The following ADAMTS17 variants were observed in gnomAD, a reference collection of about 807,000 sequenced individuals.
The protein encoded by ADAMTS17 is ADAM metallopeptidase with thrombospondin type 1 motif 17, also known as A disintegrin and metalloproteinase with thrombospondin motifs 17.
Under a neutral mutation model 141.5 loss-of-function variants are expected in ADAMTS17, and 113 were observed. The ratio of observed to expected loss-of-function variants is 0.80; its 90% CI spans 0.69 to 0.93. The LOEUF is 0.93. ADAMTS17 is among the 40% of genes least tolerant of loss of function. The pLI is 0.00. For missense variants in ADAMTS17, 1,659 were observed against 1,517.9 expected (o/e 1.09, Z -1.54); for synonymous variants, 768 against 630.6 (o/e 1.22, Z -3.27).
intron 14 of ADAMTS17, among the ~76,000 whole-genome samples, chr15:100,101,449 AC>A (rs1323065668): frequency 6.6e-6 from 1 of 152,208 alleles, no homozygotes; most frequent in East Asian, 1.9e-4. Context: ...GCAGGAATAA[AC>A]GAAATTCCAC....
chr15:100,246,043 C>T (rs4450381), intron 7 of ADAMTS17, among the ~76,000 whole-genome samples: 91,811 of 151,978 alleles, frequency 0.6, 28,462 homozygotes, highest in East Asian at 0.78. Flanking sequence ...CGCCAGTCCT[C>T]GTCCTCTTCT....
At chr15:100,322,285 A>C (rs996565022) in intron 3 of ADAMTS17, among the ~76,000 whole-genome samples, 1 of 152,164 alleles carries the variant, frequency 6.6e-6, no homozygotes, top group Non-Finnish European at 1.5e-5. Flanking sequence ...TGGGGGAGGC[A>C]TGCTGGAAAG....
chr15:100,049,881 A>C (rs1402994679), intron 17 of ADAMTS17, among the ~76,000 whole-genome samples: 2 of 152,216 alleles, frequency 1.3e-5, no homozygotes, highest in African/African-American at 4.8e-5. Context: ...TGATGATTAA[A>C]ATAAACAAAT....
intron 13 of ADAMTS17, among the ~76,000 whole-genome samples, chr15:100,112,586 G>A (rs947359503): frequency 1.8e-4 from 27 of 152,094 alleles, no homozygotes; most frequent in African/African-American, 6.3e-4. Context: ...ATGAGGTGGT[G>A]GGATTCAGCT....
At chr15:100,000,745 T>C (rs1371385853) in intron 18 of ADAMTS17, among the ~76,000 whole-genome samples, 6 of 152,142 alleles carry the variant, frequency 3.9e-5, no homozygotes, top group African/African-American at 1.4e-4. Flanking sequence ...ACTCCTGACC[T>C]TAAGTGATCC....
intron 7 of ADAMTS17, among the ~76,000 whole-genome samples, chr15:100,209,218 G>A (rs941296310): frequency 9.9e-5 from 15 of 152,054 alleles, no homozygotes; most frequent in Admixed American, 6.5e-4. Flanking sequence ...TTCTTTGGGG[G>A]ATGAAATGTG....
intron 15 of ADAMTS17, among the ~76,000 whole-genome samples, chr15:100,084,539 G>C (rs1380351234): frequency 6.6e-6 from 1 of 152,228 alleles, no homozygotes; most frequent in South Asian, 2.1e-4. Flanking sequence ...CAGGCAGACT[G>C]CCTCCTCAAG....
rs531468499 is a variant in ADAMTS17, at chr15:100,306,719, A to G, written c.616+24170T>C. On this transcript the variant is annotated intron_variant, in intron 3 of 21. Coordinates refer to ENST00000268070, the MANE Select transcript of ADAMTS17 (RefSeq NM_139057.4). The stretch of plus-strand genomic sequence containing the variant: ...AGGGACTGAGACAGCAGTCAGCGCC[A>G]TAACTTGTTCGTTTCTCCCATGCTC... The G allele has an allele frequency of 3.6e-3, 1,351 of 378,192 alleles. 13 individuals are homozygous for G. The highest frequency in any genetic ancestry group is 0.014 in the South Asian group (704 of 50,324). The allele number at this position is 378,192 out of a possible 1,614,324, so 23.4% of individuals were successfully genotyped here.
At chr15:100,320,978 C>G (rs545489835) in intron 3 of ADAMTS17, among the ~76,000 whole-genome samples, 49 of 152,280 alleles carry the variant, frequency 3.2e-4, no homozygotes, top group African/African-American at 1.2e-3. Context: ...CAATACTGAG[C>G]AAGCTGACAA....
chr15:100,248,796 G>A (rs914548390), intron 7 of ADAMTS17, among the ~76,000 whole-genome samples: 1 of 148,434 alleles, frequency 6.7e-6, no homozygotes, highest in African/African-American at 2.6e-5. Context: ...GGTCCTTCTG[G>A]TGTTAATTTT....
At chr15:100,030,538 G>A (rs1369644031) in intron 18 of ADAMTS17, among the ~76,000 whole-genome samples, 1 of 152,138 alleles carries the variant, frequency 6.6e-6, no homozygotes, top group Non-Finnish European at 1.5e-5. Context: ...CACGCGCTGA[G>A]CCTGAAATCC....
intron 15 of ADAMTS17, among the ~76,000 whole-genome samples, chr15:100,081,740 C>A (rs1268267105): frequency 6.6e-6 from 1 of 152,186 alleles, no homozygotes; most frequent in Non-Finnish European, 1.5e-5. Flanking sequence ...TTGACAAAAT[C>A]AATCTTCTTA....
At chr15:100,069,284 G>T (rs1157754283) in intron 15 of ADAMTS17, among the ~76,000 whole-genome samples, 1 of 152,240 alleles carries the variant, frequency 6.6e-6, no homozygotes, top group Non-Finnish European at 1.5e-5. Flanking sequence ...ACCTGAAAGT[G>T]ACGGGGAGAA....
chr15:99,984,722 C>A (rs996880363), intron 20 of ADAMTS17, among the ~76,000 whole-genome samples: 2 of 152,216 alleles, frequency 1.3e-5, no homozygotes, highest in African/African-American at 4.8e-5. Flanking sequence ...GGGTTGTGAA[C>A]CTGTGTTGTC....
intron 7 of ADAMTS17, among the ~76,000 whole-genome samples, chr15:100,232,046 G>T (rs1258093132): frequency 6.6e-6 from 1 of 152,172 alleles, no homozygotes; most frequent in Non-Finnish European, 1.5e-5. Context: ...CGGCGACCTT[G>T]CCCCCACTTG....
intron 3 of ADAMTS17, among the ~76,000 whole-genome samples, chr15:100,283,787 T>C (rs1442373005): frequency 6.6e-6 from 1 of 152,158 alleles, no homozygotes; most frequent in African/African-American, 2.4e-5. Flanking sequence ...AGGGACAGGT[T>C]GTTCCTGGAC....
At chr15:100,203,924 G>C (rs192789179) in intron 7 of ADAMTS17, among the ~76,000 whole-genome samples, 5 of 151,718 alleles carry the variant, frequency 3.3e-5, no homozygotes, top group Admixed American at 6.6e-5. Context: ...GGGGTGTAAT[G>C]AATTCTTCTG....
chr15:99,989,912 C>G (rs1454721951), intron 20 of ADAMTS17, among the ~76,000 whole-genome samples: 1 of 152,194 alleles, frequency 6.6e-6, no homozygotes, highest in Admixed American at 6.5e-5. Flanking sequence ...CTAAGCATCT[C>G]TGAGAAACAG....
chr15:100,177,413 G>A (rs1249982067), intron 8 of ADAMTS17, among the ~76,000 whole-genome samples: 2 of 152,082 alleles, frequency 1.3e-5, no homozygotes, highest in South Asian at 2.1e-4. Flanking sequence ...GGTTTATCCA[G>A]AAATGTGTTA....
Sources: gnomAD v4.1 joint callset for allele counts (sites outside exome capture counted in the v4.1 genomes callset) on GRCh38, gnomAD v4.1.1 for gene constraint, MANE v1.5 for transcripts, NCBI Gene and HGNC (gene_info 2026-07-23, HGNC 2026-07-21) for gene names.